The following MECOM variants were observed in gnomAD, a reference collection of about 807,000 sequenced individuals.
MECOM encodes the protein histone-lysine N-methyltransferase MECOM.
Under a neutral mutation model 116.3 loss-of-function variants are expected in MECOM, and 13 were observed. The ratio of observed to expected loss-of-function variants is 0.11; its 90% CI spans 0.07 to 0.18. The LOEUF is 0.18. Among genes scored for constraint, MECOM ranks in the 10% least tolerant of loss-of-function variants. The pLI, the probability that MECOM is intolerant of heterozygous loss-of-function variation, is 1.00. For synonymous variants in MECOM, 528 were observed against 535.2 expected (o/e 0.99, Z 0.19); for missense variants, 1,299 against 1,509.0 (o/e 0.86, Z 2.31).
At chr3:169,402,255 C>T (rs1736022811) in intron 1 of MECOM, among the ~76,000 whole-genome samples, 1 of 152,096 alleles carries the variant, frequency 6.6e-6, no homozygotes, top group African/African-American at 2.4e-5. Context: ...CATATGGGGG[C>T]TGAGGACACA....
chr3:169,539,991 G>A (rs1759875356), intron 1 of MECOM, among the ~76,000 whole-genome samples: 2 of 152,096 alleles, frequency 1.3e-5, no homozygotes, highest in Admixed American at 1.3e-4. Context: ...TTGCTTCATG[G>A]CTGAATCCTC....
At chr3:169,415,592 G>A (rs1738427344) in intron 1 of MECOM, among the ~76,000 whole-genome samples, 1 of 151,980 alleles carries the variant, frequency 6.6e-6, no homozygotes, top group Non-Finnish European at 1.5e-5. Flanking sequence ...AGGCAAATTG[G>A]ATCAAGAGTC....
rs377091647 is a variant in MECOM at position 169,580,829 on chromosome 3, GTGTTT to G, written c.37+82502_37+82506del. Among the ~76,000 whole-genome samples, 9 of 152,294 alleles carry G rather than the reference GTGTTT, an allele frequency of 5.9e-5. No individual in the cohort carries two copies. In the East Asian group the frequency reaches 9.6e-4, roughly 16 times the overall value. ...TTTTGAGATTTCCTGTTGTTAAATT[GTGTTT>G]TGTTTTGTTTTGTTTTTGCAAAATG... On this transcript the variant is annotated intron_variant, in intron 1 of 16. Transcript: ENST00000651503.
intron 1 of MECOM, among the ~76,000 whole-genome samples, chr3:169,494,609 T>C (rs997593159): frequency 1.3e-5 from 2 of 152,248 alleles, no homozygotes; most frequent in Non-Finnish European, 2.9e-5. Flanking sequence ...AGTTTTATTA[T>C]ACACCACTAA....
intron 2 of MECOM, among the ~76,000 whole-genome samples, chr3:169,245,207 G>C (rs1755428921): frequency 6.6e-6 from 1 of 152,044 alleles, no homozygotes; most frequent in Non-Finnish European, 1.5e-5. Context: ...TCATTATAAA[G>C]GGGAAATATA....
chr3:169,131,654 C>CT, intron 3 of MECOM, 123 bp from the exon 4 acceptor site: 1 of 758,448 alleles, frequency 1.3e-6, no homozygotes, highest in South Asian at 2.5e-5. Context: ...TTTTCTTTTT[C>CT]TTTTTTATCA....
At chr3:169,639,912 T>C (rs1468417562) in intron 1 of MECOM, among the ~76,000 whole-genome samples, 2 of 152,218 alleles carry the variant, frequency 1.3e-5, no homozygotes, top group Non-Finnish European at 2.9e-5. Context: ...TATTTCTTGC[T>C]AATGCTATGC....
intron 2 of MECOM, among the ~76,000 whole-genome samples, chr3:169,273,822 C>T (rs1162898004): frequency 3.3e-5 from 5 of 151,802 alleles, no homozygotes; most frequent in Non-Finnish European, 5.9e-5. Context: ...GGTTTTGTCC[C>T]TGTGTGCTAT....
intron 2 of MECOM, among the ~76,000 whole-genome samples, chr3:169,260,218 T>C (rs1757377922): frequency 6.6e-6 from 1 of 152,306 alleles, no homozygotes; most frequent in South Asian, 2.1e-4. Flanking sequence ...GTGCCAAAAT[T>C]GGCTAGACTT....
chr3:169,135,121 C>T (rs1156788615), intron 3 of MECOM, among the ~76,000 whole-genome samples: 1 of 151,962 alleles, frequency 6.6e-6, no homozygotes, highest in Non-Finnish European at 1.5e-5. Flanking sequence ...AATTACATAC[C>T]ATCTGTGTTA....
In MECOM at chr3:169,115,376, C is replaced by T. The variant is rs202201605; in HGVS notation, c.2489+7G>A. The T allele has an allele frequency of 2.4e-5, 39 of 1,611,678 alleles. No homozygotes were observed. In the African/African-American group the frequency reaches 2.9e-4, roughly 12 times the overall value. The stretch of plus-strand genomic sequence containing the variant: ...CTCATATTTCGTCATCTTCCATACA[C>T]GCTTACCTGTAAATAGGGTCCATAA... On this transcript the variant is annotated splice_region_variant and intron_variant, in intron 8 of 16. Coordinates refer to ENST00000651503, the MANE Select transcript of MECOM (RefSeq NM_004991.4).
At chr3:169,086,521 G>A (rs1225976422) in intron 16 of MECOM, 2 of 699,548 alleles carry the variant, frequency 2.9e-6, no homozygotes, top group South Asian at 3.0e-5. Context: ...ACCTAGCTGT[G>A]TGATCTTGAG....
chr3:169,348,293 G>C (rs1198611284), intron 2 of MECOM, among the ~76,000 whole-genome samples: 1 of 152,068 alleles, frequency 6.6e-6, no homozygotes, highest in African/African-American at 2.4e-5. Flanking sequence ...GGCTGTTTCT[G>C]GGTGTGGAGT....
intron 2 of MECOM, among the ~76,000 whole-genome samples, chr3:169,219,092 C>T (rs553670324): frequency 5.9e-5 from 9 of 152,238 alleles, no homozygotes; most frequent in Non-Finnish European, 1.0e-4. Flanking sequence ...GCTATAACAG[C>T]AAACATCGAA....
chr3:169,443,612 CTT>C (rs555768605), intron 1 of MECOM, among the ~76,000 whole-genome samples: 169 of 152,344 alleles, frequency 1.1e-3, no homozygotes, highest in Non-Finnish European at 2.1e-3. Context: ...CCTTCTCTGA[CTT>C]TGCCAACAGC....
At chr3:169,217,206 A>T (rs1445481374) in intron 2 of MECOM, among the ~76,000 whole-genome samples, 2 of 152,184 alleles carry the variant, frequency 1.3e-5, no homozygotes, top group African/African-American at 4.8e-5. Flanking sequence ...TCTATTTGAC[A>T]TTCACAGAGA....
At chr3:169,164,437 A>C (rs908543884) in intron 2 of MECOM, among the ~76,000 whole-genome samples, 1 of 152,134 alleles carries the variant, frequency 6.6e-6, no homozygotes, top group Non-Finnish European at 1.5e-5. Context: ...GTATATCTTT[A>C]TCAGCGGCAT....
In MECOM at chr3:169,350,638, A is replaced by T. The variant is rs367916219; in HGVS notation, c.375+30549T>A. Among the ~76,000 whole-genome samples, 32 of 152,104 alleles carry T rather than the reference A, an allele frequency of 2.1e-4. No homozygotes were observed. In the East Asian group the frequency reaches 3.9e-3, roughly 18 times the overall value. Reference sequence around the variant, plus strand: ...AGTCATTTAGTTTTTGCATTTAGAAATTACAATATTTTGGATCCTCTGGTT... The same window carrying T: ...AGTCATTTAGTTTTTGCATTTAGAATTTACAATATTTTGGATCCTCTGGTT... On this transcript the variant is annotated intron_variant, in intron 2 of 16. Transcript: ENST00000651503.
chr3:169,232,644 AATATAT>A (rs5854321), intron 2 of MECOM, among the ~76,000 whole-genome samples: 6 of 149,520 alleles, frequency 4.0e-5, no homozygotes, highest in African/African-American at 1.5e-4. Context: ...CCATTTGTAA[AATATAT>A]ATATATATAT....
Sources: gnomAD v4.1 joint callset for allele counts (sites outside exome capture counted in the v4.1 genomes callset) on GRCh38, gnomAD v4.1.1 for gene constraint, MANE v1.5 for transcripts, NCBI Gene and HGNC (gene_info 2026-07-23, HGNC 2026-07-21) for gene names.